The following FDX1 variants were observed in gnomAD, a reference collection of about 807,000 sequenced individuals.
FDX1 encodes ferredoxin 1, also known as adrenodoxin, mitochondrial.
Under a neutral mutation model 14.9 loss-of-function variants are expected in FDX1, and 9 were observed. The ratio of observed to expected loss-of-function variants is 0.60; its 90% CI spans 0.36 to 1.05. The LOEUF is 1.05. Among genes scored for constraint, FDX1 ranks in the 50% least tolerant of loss-of-function variants. The pLI, the probability that FDX1 is intolerant of heterozygous loss-of-function variation, is 0.01. For missense variants in FDX1, 204 were observed against 237.2 expected (o/e 0.86, Z 0.92); for synonymous variants, 92 against 99.4 (o/e 0.93, Z 0.44).
intron 2 of FDX1, among the ~76,000 whole-genome samples, chr11:110,450,444 G>A (rs1946479047): frequency 1.3e-5 from 2 of 152,252 alleles, no homozygotes; most frequent in Non-Finnish European, 2.9e-5. Context: ...GAGCTCAGAC[G>A]GTAATGTGAG....
intron 1 of FDX1, among the ~76,000 whole-genome samples, chr11:110,432,107 T>C (rs547630412): frequency 1.3e-5 from 2 of 152,202 alleles, no homozygotes; most frequent in Non-Finnish European, 2.9e-5. Flanking sequence ...GGCACAAAGT[T>C]CTTATAGACA....
At chr11:110,461,646 A>C (rs1230894201) in intron 3 of FDX1, among the ~76,000 whole-genome samples, 1 of 151,460 alleles carries the variant, frequency 6.6e-6, no homozygotes, top group Non-Finnish European at 1.5e-5. Context: ...ATTCTTCTTC[A>C]TTTTCATTTT....
intron 3 of FDX1, among the ~76,000 whole-genome samples, chr11:110,457,477 T>C (rs900488939): frequency 1.3e-5 from 2 of 152,176 alleles, no homozygotes; most frequent in Non-Finnish European, 2.9e-5. Context: ...ATAGCTCTTT[T>C]TCTAAGTGTA....
At chr11:110,460,990 A>G (rs1209279623) in intron 3 of FDX1, among the ~76,000 whole-genome samples, 1 of 152,240 alleles carries the variant, frequency 6.6e-6, no homozygotes, top group African/African-American at 2.4e-5. Flanking sequence ...CTTCATGAGT[A>G]CATTAATAAA....
intron 3 of FDX1, among the ~76,000 whole-genome samples, chr11:110,461,592 C>T (rs985285307): frequency 2.7e-5 from 4 of 148,206 alleles, no homozygotes; most frequent in Non-Finnish European, 4.5e-5. Flanking sequence ...CTTAAAATGA[C>T]AAATATTTAT....
intron 3 of FDX1, among the ~76,000 whole-genome samples, chr11:110,459,649 A>G (rs1946544455): frequency 6.6e-6 from 1 of 152,226 alleles, no homozygotes. Flanking sequence ...CATCAGGGAT[A>G]TGTGGCAAGA....
At chr11:110,454,886 C>T (rs1946511833) in intron 2 of FDX1, among the ~76,000 whole-genome samples, 2 of 152,128 alleles carry the variant, frequency 1.3e-5, no homozygotes, top group African/African-American at 4.8e-5. Context: ...GGCTAACAGC[C>T]CATGCCCCTA....
At chr11:110,461,124 C>G (rs10891120) in intron 3 of FDX1, among the ~76,000 whole-genome samples, 47,137 of 152,008 alleles carry the variant, frequency 0.31, 7,586 homozygotes, top group African/African-American at 0.4. Flanking sequence ...ACAGTCTTAT[C>G]ACTTAACATA....
rs1378644910 is a variant in FDX1 at position 110,435,832 on chromosome 11, A to T, written c.186-2A>T. On this transcript the variant is annotated splice_acceptor_variant, in intron 1 of 3. Transcript: ENST00000260270. LOFTEE classifies it high-confidence loss of function. ...ATACTAAAGGACTGTTTTTTTTTCC[A>T]GCTCAGAAGATAAAATAACAGTCCA... 6.3e-7 allele frequency: 1 copy of T among 1,580,308 alleles called. No homozygotes were observed. Among genetic ancestry groups the T allele is most frequent in the Non-Finnish European group, 8.6e-7 (1 of 1,165,872 alleles).
intron 2 of FDX1, among the ~76,000 whole-genome samples, chr11:110,436,616 CA>C (rs1946371875): frequency 7.6e-6 from 1 of 131,430 alleles, no homozygotes; most frequent in Non-Finnish European, 1.6e-5. Context: ...TACTGAGTCA[CA>C]AAGTCTGGGG....
chr11:110,458,008 G>C (rs373869813), intron 3 of FDX1, among the ~76,000 whole-genome samples: 1 of 152,134 alleles, frequency 6.6e-6, no homozygotes, highest in South Asian at 2.1e-4. Flanking sequence ...CTGTCTGCCT[G>C]TCCTCTCACA....
intron 2 of FDX1, among the ~76,000 whole-genome samples, chr11:110,445,967 T>C (rs1300391837): frequency 6.6e-6 from 1 of 152,214 alleles, no homozygotes; most frequent in Non-Finnish European, 1.5e-5. Context: ...AATAATCTTT[T>C]TTCCGAATAC....
intron 2 of FDX1, among the ~76,000 whole-genome samples, chr11:110,447,297 A>C (rs1336054829): frequency 1.4e-4 from 20 of 147,832 alleles, no homozygotes; most frequent in Admixed American, 1.1e-3. Flanking sequence ...AAAAAAAAAA[A>C]AAAAAACCCA....
intron 2 of FDX1, among the ~76,000 whole-genome samples, chr11:110,447,273 CAAAAAAAAAAAAAAA>C (rs541827807): frequency 1.3e-5 from 1 of 75,752 alleles, no homozygotes; most frequent in African/African-American, 4.9e-5. Context: ...ACTAAAAATA[CAAAAAAAAAAAAAAA>C]AAAAAAAAAA....
chr11:110,455,559 T>A (rs903321653), intron 2 of FDX1, among the ~76,000 whole-genome samples: 2 of 152,226 alleles, frequency 1.3e-5, no homozygotes, highest in African/African-American at 4.8e-5. Context: ...ATCACTGTTT[T>A]TAAAGTCAGA....
intron 2 of FDX1, among the ~76,000 whole-genome samples, chr11:110,452,680 A>T (rs888712407): frequency 2.0e-5 from 3 of 152,234 alleles, no homozygotes; most frequent in Admixed American, 6.5e-5. Flanking sequence ...TGAAAGTCAC[A>T]ATGTGACACC....
intron 2 of FDX1, among the ~76,000 whole-genome samples, chr11:110,446,442 A>G (rs4576787): frequency 0.17 from 25,498 of 152,132 alleles, 2,234 homozygotes; most frequent in East Asian, 0.25. Flanking sequence ...AGATATTGAT[A>G]AACTCTTAAA....
At chr11:110,436,020 T>A in intron 2 of FDX1, 62 bp downstream of exon 2, 1 of 1,496,276 alleles carries the variant, frequency 6.7e-7, no homozygotes, top group South Asian at 1.2e-5. Context: ...ATTTTTATTT[T>A]GTGGTTTTTT....
intron 1 of FDX1, among the ~76,000 whole-genome samples, chr11:110,434,025 T>C (rs1188520510): frequency 6.6e-6 from 1 of 152,184 alleles, no homozygotes; most frequent in Admixed American, 6.5e-5. Flanking sequence ...GAGGTAAAAA[T>C]TAAAATGACC....
Sources: allele counts gnomAD v4.1 joint callset (sites outside exome capture counted in the v4.1 genomes callset), GRCh38; gene constraint gnomAD v4.1.1; transcripts MANE v1.5; gene names NCBI Gene and HGNC (gene_info 2026-07-23, HGNC 2026-07-21).